The following DSCAML1 variants were observed in gnomAD, a reference collection of about 807,000 sequenced individuals.
DSCAML1 encodes the protein DS cell adhesion molecule like 1.
DSCAML1 carries 38 observed loss-of-function variants against 200.5 expected under a neutral mutation model. The ratio of observed to expected loss-of-function variants is 0.19; its 90% CI spans 0.15 to 0.25. DSCAML1 has a LOEUF of 0.25. DSCAML1 is among the 10% of genes least tolerant of loss of function. DSCAML1 has a pLI of 1.00. For synonymous variants in DSCAML1, 1,215 were observed against 1,165.0 expected, an observed-to-expected ratio of 1.04 and a Z score of -0.87; for missense variants, 2,223 against 2,858.8, an observed-to-expected ratio of 0.78 and a Z score of 5.07.
intron 4 of DSCAML1, among the ~76,000 whole-genome samples, chr11:117,531,435 C>T (rs555934224): frequency 6.6e-6 from 1 of 152,276 alleles, no homozygotes; most frequent in East Asian, 1.9e-4. Flanking sequence ...ATTCAATAAA[C>T]ACCAGTTTCT....
chr11:117,611,808 C>T (rs1382954149), intron 3 of DSCAML1: 1 of 152,286 alleles, frequency 6.6e-6, no homozygotes, highest in East Asian at 1.9e-4. Flanking sequence ...TCCCTCCTTA[C>T]CTTGCCTGAT....
intron 31 of DSCAML1, 110 bp downstream of exon 31, chr11:117,431,424 C>T (rs990296787): frequency 2.8e-5 from 29 of 1,049,014 alleles, no homozygotes; most frequent in Non-Finnish European, 3.5e-5. Flanking sequence ...CTGACTTGTG[C>T]CTTGGGCCCC....
chr11:117,492,689 A>C (rs1565736987), intron 11 of DSCAML1, among the ~76,000 whole-genome samples: 1 of 151,974 alleles, frequency 6.6e-6, no homozygotes, highest in Non-Finnish European at 1.5e-5. Context: ...ATAAGCCGCC[A>C]CAAAGGGGCA....
intron 3 of DSCAML1, among the ~76,000 whole-genome samples, chr11:117,558,134 C>T (rs917880483): frequency 6.6e-6 from 1 of 151,992 alleles, no homozygotes; most frequent in African/African-American, 2.4e-5. Context: ...CCAGTGTCTC[C>T]CAGGCACAGG....
At chr11:117,617,416 C>T (rs1278919568) in intron 3 of DSCAML1, among the ~76,000 whole-genome samples, 1 of 152,198 alleles carries the variant, frequency 6.6e-6, no homozygotes, top group Non-Finnish European at 1.5e-5. Context: ...TAAGTCTCCT[C>T]ATTTGCATGA....
intron 28 of DSCAML1, 26 bp from the exon 29 acceptor site, chr11:117,433,282 T>C: frequency 1.3e-6 from 2 of 1,594,704 alleles, no homozygotes; most frequent in Non-Finnish European, 1.7e-6. Context: ...CTGGAGGTGG[T>C]GGCTCAGCAG....
intron 3 of DSCAML1, among the ~76,000 whole-genome samples, chr11:117,708,850 T>C (rs1407690545): frequency 6.6e-6 from 1 of 151,230 alleles, no homozygotes; most frequent in Non-Finnish European, 1.5e-5. Context: ...AAGTGGGGGG[T>C]GGGATGTCAG....
Position 117,796,994 on chromosome 11 carries a change from C to CCCGCCGCCT in DSCAML1, c.46+31_46+39dup, listed in dbSNP as rs754424182. 1.2e-3 allele frequency: 1,564 copies of CCCGCCGCCT among 1,343,036 alleles called. 2 individuals carry two copies. Among genetic ancestry groups the CCCGCCGCCT allele is most frequent in the Non-Finnish European group, 1.4e-3 (1,416 of 1,036,448 alleles). The allele number at this position is 1,343,036 out of a possible 1,614,324, so 83.2% of individuals were successfully genotyped here. A position where few individuals can be genotyped will look rare whatever the true frequency, so the allele number is the denominator to read the frequency against. On this transcript the variant is annotated intron_variant, in intron 1 of 32. Transcript: ENST00000651296. ...TCGCCGCCAGCCGCGCCACCCTGGC[C>CCCGCCGCCT]CCGCCGCCTCCGCCGCCCAGCCGCC...
intron 3 of DSCAML1, among the ~76,000 whole-genome samples, chr11:117,569,192 T>G (rs1271320273): frequency 6.6e-6 from 1 of 152,206 alleles, no homozygotes; most frequent in Non-Finnish European, 1.5e-5. Context: ...ACTGGATCCC[T>G]TCCTTACACC....
At chr11:117,658,519 G>A (rs1442266839) in intron 3 of DSCAML1, among the ~76,000 whole-genome samples, 1 of 152,154 alleles carries the variant, frequency 6.6e-6, no homozygotes, top group East Asian at 1.9e-4. Flanking sequence ...CCTGAGATTG[G>A]CTGAGATCTG....
chr11:117,506,638 C>T (rs1215537688), intron 8 of DSCAML1, among the ~76,000 whole-genome samples: 1 of 149,234 alleles, frequency 6.7e-6, no homozygotes, highest in African/African-American at 2.5e-5. Context: ...CTGACTGCAG[C>T]CTGGGCTCGA....
At chr11:117,620,089 A>G (rs1383939644) in intron 3 of DSCAML1, among the ~76,000 whole-genome samples, 1 of 152,194 alleles carries the variant, frequency 6.6e-6, no homozygotes, top group East Asian at 1.9e-4. Context: ...AACATTGCTG[A>G]GTAAAAACAG....
intron 3 of DSCAML1, among the ~76,000 whole-genome samples, chr11:117,718,668 A>ACCCCCCCCC (rs60879756): frequency 1.6e-4 from 4 of 25,782 alleles, no homozygotes; most frequent in African/African-American, 2.8e-4. Flanking sequence ...AATACTCAAA[A>ACCCCCCCCC]CCCCCCCCCC....
intron 3 of DSCAML1, among the ~76,000 whole-genome samples, chr11:117,685,745 C>T (rs1185896701): frequency 6.6e-6 from 1 of 152,144 alleles, no homozygotes; most frequent in Non-Finnish European, 1.5e-5. Flanking sequence ...GCATACTTAC[C>T]CTGCCTGGTC....
intron 3 of DSCAML1, among the ~76,000 whole-genome samples, chr11:117,724,861 C>T (rs1411598224): frequency 1.3e-5 from 2 of 152,208 alleles, no homozygotes; most frequent in Non-Finnish European, 2.9e-5. Flanking sequence ...AACCATCATC[C>T]ACTACTCCAC....
chr11:117,524,821 GC>G lies in DSCAML1; in HGVS notation c.920del (p.Gly307AlafsTer11). On this transcript the variant is annotated frameshift_variant, in exon 5 of 33. Coordinates refer to ENST00000651296, the MANE Select transcript of DSCAML1 (RefSeq NM_020693.4). LOFTEE classifies it high-confidence loss of function. ...CCGACTCACCAATGACCATGAGGAT[GC>G]CTGTGGCCTCTGCCGAACCGAAGGT... The part of the protein sequence containing the change: ...TNTFGSAEAT[G>X]ILMVIDPLHV... 1 of 1,585,942 alleles carries G rather than the reference GC, an allele frequency of 6.3e-7. No individual in the cohort carries two copies. Among genetic ancestry groups the G allele is most frequent in the Non-Finnish European group, 8.6e-7 (1 of 1,164,900 alleles).
intron 3 of DSCAML1, among the ~76,000 whole-genome samples, chr11:117,617,464 A>G (rs1353809423): frequency 6.6e-6 from 1 of 152,144 alleles, no homozygotes; most frequent in African/African-American, 2.4e-5. Flanking sequence ...CTGTTATTCC[A>G]TCTACACACG....
chr11:117,599,726 G>T (rs2051430090), intron 3 of DSCAML1, among the ~76,000 whole-genome samples: 1 of 152,182 alleles, frequency 6.6e-6, no homozygotes, highest in South Asian at 2.1e-4. Flanking sequence ...CCCTGGTTCT[G>T]GTTAGACCAG....
chr11:117,768,353 G>A (rs2054936233), intron 3 of DSCAML1, among the ~76,000 whole-genome samples: 1 of 152,164 alleles, frequency 6.6e-6, no homozygotes, highest in Non-Finnish European at 1.5e-5. Flanking sequence ...CATGATGGTG[G>A]TGATCCATCT....
Sources: allele counts gnomAD v4.1 joint callset (sites outside exome capture counted in the v4.1 genomes callset), GRCh38; gene constraint gnomAD v4.1.1; transcripts MANE v1.5; gene names NCBI Gene and HGNC (gene_info 2026-07-23, HGNC 2026-07-21).